PELP1: variants seen among roughly 807,000 people sequenced by gnomAD.
PELP1 encodes the protein proline-, glutamic acid- and leucine-rich protein 1.
Under a neutral mutation model 95.5 loss-of-function variants are expected in PELP1, and 32 were observed. That is an observed-to-expected ratio of 0.34 (90% CI 0.25 to 0.45). The LOEUF (loss-of-function observed/expected upper bound fraction) is 0.45. Ranked by LOEUF, PELP1 falls within the 20% of genes least tolerant of loss-of-function variation. The pLI is 1.00. For synonymous variants in PELP1, 668 were observed against 600.1 expected, an observed-to-expected ratio of 1.11 and a Z score of -1.65; for missense variants, 1,358 against 1,444.8, an observed-to-expected ratio of 0.94 and a Z score of 0.97.
chr17:4,702,590 G>A (rs1229979381), intron 1 of PELP1, among the ~76,000 whole-genome samples: 1 of 152,168 alleles, frequency 6.6e-6, no homozygotes, highest in Non-Finnish European at 1.5e-5. Context: ...CAGAGATATA[G>A]TTTTGTCACC....
At chr17:4,697,125 G>C (rs1567668850) in intron 1 of PELP1, among the ~76,000 whole-genome samples, 1 of 152,180 alleles carries the variant, frequency 6.6e-6, no homozygotes, top group Non-Finnish European at 1.5e-5. Context: ...CAAGGCCTGG[G>C]TTGTAGGCAC....
chr17:4,681,985 G>A (rs953620675), intron 5 of PELP1, among the ~76,000 whole-genome samples: 9 of 151,930 alleles, frequency 5.9e-5, no homozygotes, highest in Non-Finnish European at 8.8e-5. Context: ...GTAACATGGC[G>A]AGACCCCCCT....
At chr17:4,685,782 A>G (rs1912887066) in intron 3 of PELP1, among the ~76,000 whole-genome samples, 1 of 84,668 alleles carries the variant, frequency 1.2e-5, no homozygotes, top group Non-Finnish European at 2.4e-5. Flanking sequence ...GACAAAATGA[A>G]ACCATGTCTT....
Position 4,670,102 on chromosome 17 carries a change from TTATC to T in PELP1, c.*1333_*1336del, listed in dbSNP as rs1030985868. 16 of 152,220 alleles carry T rather than the reference TTATC, an allele frequency of 1.1e-4. No homozygotes were observed. In the East Asian group the frequency reaches 1.9e-3, roughly 18 times the overall value. The allele number at this position is 152,220 out of a possible 1,614,324, so 9.4% of individuals were successfully genotyped here. A position where few individuals can be genotyped will look rare whatever the true frequency, so the allele number is the denominator to read the frequency against. On this transcript the variant is annotated 3_prime_UTR_variant, in exon 17 of 17. Transcript: ENST00000572293. ...GTTAATTGGCAAATCTAGGCAAAGGTTATCTATTATACTGTTCTCACTTTTCTGT... is the reference window on the plus strand; with the variant it reads ...GTTAATTGGCAAATCTAGGCAAAGGTTATTATACTGTTCTCACTTTTCTGT...
At chr17:4,701,324 T>TGA (rs1913523738) in intron 1 of PELP1, among the ~76,000 whole-genome samples, 1 of 129,322 alleles carries the variant, frequency 7.7e-6, no homozygotes, top group African/African-American at 2.8e-5. Context: ...GGATGAGAGT[T>TGA]GGGGGGGTGG....
chr17:4,692,912 A>T (rs1214388880), intron 1 of PELP1, among the ~76,000 whole-genome samples: 1 of 152,122 alleles, frequency 6.6e-6, no homozygotes, highest in African/African-American at 2.4e-5. Context: ...CGGGAGGCTG[A>T]GGCAGGAGAC....
intron 1 of PELP1, among the ~76,000 whole-genome samples, chr17:4,699,030 A>C (rs1191453455): frequency 6.6e-6 from 1 of 152,236 alleles, no homozygotes; most frequent in Admixed American, 6.5e-5. Flanking sequence ...TGTTATTCTC[A>C]GAATGATAGT....
rs1567661294 is a variant in PELP1, at chr17:4,674,975, T to A, written c.1275-19A>T. 1 of 1,606,292 alleles carries A rather than the reference T, an allele frequency of 6.2e-7. No homozygotes were observed. The highest frequency in any genetic ancestry group is 8.5e-7 in the Non-Finnish European group (1 of 1,173,874). On this transcript the variant is annotated intron_variant, in intron 11 of 16. Coordinates refer to ENST00000572293, the MANE Select transcript of PELP1 (RefSeq NM_014389.3). ...AACCGTGCTGTGTCATGAGCAAAGA[T>A]GGCAGTTATGAATGGGGGGTCAACA...
intron 4 of PELP1, 39 bp downstream of exon 4, chr17:4,682,764 G>GC (rs760406101): frequency 6.5e-7 from 1 of 1,536,098 alleles, no homozygotes; most frequent in Non-Finnish European, 8.8e-7. Context: ...GGTGAGGACT[G>GC]CGGGGGGCCA....
Position 4,674,657 on chromosome 17 carries a change from G to A in PELP1, c.1435C>T (p.Arg479Trp), listed in dbSNP as rs974047405. The stretch of plus-strand genomic sequence containing the variant: ...TGCAAACTCCCATCAGGGCTCCCCC[G>A]CGGGCTACGCAGCTGGAGGCAGAGA... ...PADALKLRSPRGSPDGSLQTG... is the reference protein window; with the variant it reads ...PADALKLRSPWGSPDGSLQTG... The change falls in exon 13 of 17, where the codon CGG becomes TGG. Residue 479 changes from arginine (R) to tryptophan (W), a missense_variant. Arg to Trp is a moderately radical substitution (Grantham distance 101). Transcript: ENST00000572293. The A allele has an allele frequency of 2.4e-5, 39 of 1,596,496 alleles. No individual in the cohort carries two copies. Among genetic ancestry groups the A allele is most frequent in the Non-Finnish European group, 3.1e-5 (37 of 1,175,052 alleles).
rs567309495 is a variant in PELP1 at position 4,671,679 on chromosome 17, C to T, written c.3300+12G>A. On this transcript the variant is annotated intron_variant, in intron 16 of 16. Coordinates refer to ENST00000572293, the MANE Select transcript of PELP1 (RefSeq NM_014389.3). Reference sequence around the variant, plus strand: ...TTCTCGCCCAAGGAACCTTCCCTGCCTGGCCTCTCACCTTTTCCTGGAGAG... The same window carrying T: ...TTCTCGCCCAAGGAACCTTCCCTGCTTGGCCTCTCACCTTTTCCTGGAGAG... The T allele has an allele frequency of 3.0e-5, 47 of 1,585,962 alleles. No homozygotes were observed. The highest frequency in any genetic ancestry group is 3.8e-5 in the Non-Finnish European group (45 of 1,169,754).
At chr17:4,685,529 C>T (rs1471478373) in intron 3 of PELP1, among the ~76,000 whole-genome samples, 2 of 152,130 alleles carry the variant, frequency 1.3e-5, no homozygotes, top group Non-Finnish European at 2.9e-5. Flanking sequence ...GTAGCACCTG[C>T]CTGTAATCCC....
chr17:4,691,069 A>T lies in PELP1; in HGVS notation c.315-76T>A, dbSNP rs1597455074. 1.5e-5 allele frequency: 15 copies of T among 1,026,652 alleles called. No individual in the cohort carries two copies. The East Asian group carries it at 3.1e-4, about 21-fold the overall frequency. 63.6% of individuals were successfully genotyped at this position (1,026,652 alleles called of 1,614,324 possible). On this transcript the variant is annotated intron_variant, in intron 2 of 16. Coordinates refer to ENST00000572293, the MANE Select transcript of PELP1 (RefSeq NM_014389.3). ...AGAAAGTGACTGCTCTTTTATTCTCACTAGGCTACAGCAAGACTTCATCCC... is the reference window on the plus strand; with the variant it reads ...AGAAAGTGACTGCTCTTTTATTCTCTCTAGGCTACAGCAAGACTTCATCCC...
In PELP1 at chr17:4,704,105, C is replaced by T; in HGVS notation, c.7G>A (p.Ala3Thr). 3.1e-6 allele frequency: 5 copies of T among 1,606,054 alleles called. No homozygotes were observed. Among genetic ancestry groups the T allele is most frequent in the Non-Finnish European group, 4.2e-6 (5 of 1,177,768 alleles). The part of the protein sequence containing the change: MA[A>T]AVLSGPSAGS... Reference sequence around the variant, plus strand: ...GCAGAGGGCCCACTCAGAACGGCTGCCGCCATCTTCCCCCGGGTTCCAGTG... The same window carrying T: ...GCAGAGGGCCCACTCAGAACGGCTGTCGCCATCTTCCCCCGGGTTCCAGTG... Residue 3 changes from alanine to threonine, a missense_variant, in exon 1 of 17, where the codon GCA becomes ACA. This residue lies in a region of PELP1 where 169 missense variants were observed against 134.9 expected (regional missense o/e 1.25). Coordinates refer to ENST00000572293, the MANE Select transcript of PELP1 (RefSeq NM_014389.3).
intron 1 of PELP1, among the ~76,000 whole-genome samples, chr17:4,701,099 G>A (rs1177467315): frequency 6.6e-6 from 1 of 151,148 alleles, no homozygotes; most frequent in East Asian, 1.9e-4. Flanking sequence ...GGTGGGGTGG[G>A]GAAAATACTA....
intron 1 of PELP1, among the ~76,000 whole-genome samples, chr17:4,694,897 A>G (rs1204394242): frequency 2.7e-5 from 4 of 150,866 alleles, no homozygotes; most frequent in East Asian, 2.0e-4. Flanking sequence ...CTTGAACCTG[A>G]GAGAATCGCT....
rs1326280126 is a variant in PELP1, at chr17:4,675,242, C to G, written c.1157+32G>C. The stretch of plus-strand genomic sequence containing the variant: ...GACCCTCGTTTCTGGCACGCCCTAT[C>G]CCTTCACCACAGCCAGCCCAATCCC... On this transcript the variant is annotated intron_variant, in intron 10 of 16. Coordinates refer to ENST00000572293, the MANE Select transcript of PELP1 (RefSeq NM_014389.3). The surrounding 1 kb of genome is among the most constrained non-coding windows in gnomAD (Gnocchi z 4.3). 7 of 1,596,064 alleles carry G rather than the reference C, an allele frequency of 4.4e-6. No homozygotes were observed. Among genetic ancestry groups the G allele is most frequent in the Non-Finnish European group, 6.0e-6 (7 of 1,171,544 alleles).
In PELP1 at chr17:4,672,830, G is replaced by T. The variant is rs560242080; in HGVS notation, c.2161C>A (p.Pro721Thr). 21 of 1,613,840 alleles carry T rather than the reference G, an allele frequency of 1.3e-5. No individual in the cohort carries two copies. Among genetic ancestry groups the T allele is most frequent in the Admixed American group, 5.0e-5 (3 of 60,000 alleles). ...LSVPGLVSVP[P>T]RLLPGPENHR... ...TTCTCAGGGCCAGGAAGAAGCCGGG[G>T]AGGGACAGACACTAGGCCTGGGACA... is the stretch of plus-strand genomic sequence containing the variant. The change falls in exon 16 of 17, where the codon CCC becomes ACC. Residue 721 changes from proline (P) to threonine (T), a missense_variant. Coordinates refer to ENST00000572293, the MANE Select transcript of PELP1 (RefSeq NM_014389.3).
At chr17:4,688,009 C>T (rs1912967135) in intron 3 of PELP1, among the ~76,000 whole-genome samples, 1 of 152,106 alleles carries the variant, frequency 6.6e-6, no homozygotes, top group Admixed American at 6.6e-5. Context: ...ACTGGAAGTC[C>T]TAGCCAGAGC....
Sources: gnomAD v4.1 joint callset for allele counts (sites outside exome capture counted in the v4.1 genomes callset) on GRCh38, gnomAD v4.1.1 for gene constraint, gnomAD v4.1.1 regional missense constraint, Gnocchi (gnomAD v3.1) non-coding constraint, MANE v1.5 for transcripts, NCBI Gene and HGNC (gene_info 2026-07-23, HGNC 2026-07-21) for gene names.